The following MBD1 variants were observed in gnomAD, a reference collection of about 807,000 sequenced individuals.
The protein encoded by MBD1 is methyl-CpG-binding domain protein 1.
MBD1 carries 25 observed loss-of-function variants against 82.6 expected under a neutral mutation model. The ratio of observed to expected loss-of-function variants is 0.30; its 90% CI spans 0.22 to 0.42. The LOEUF (loss-of-function observed/expected upper bound fraction) is 0.42, where lower values mean the gene tolerates loss of function less well. Among genes scored for constraint, MBD1 ranks in the 10% least tolerant of loss-of-function variants. The probability of loss-of-function intolerance (pLI) is 1.00; values close to 1 mark genes in which losing one functional copy is unlikely to be tolerated. For missense variants in MBD1, 627 were observed against 819.6 expected (o/e 0.76, Z 2.87); for synonymous variants, 301 against 303.7 (o/e 0.99, Z 0.09).
Position 50,273,570 on chromosome 18 carries a change from C to G in MBD1, c.1440G>C (p.Leu480=), listed in dbSNP as rs543699012. 3.8e-5 allele frequency: 61 copies of G among 1,612,986 alleles called. No homozygotes were observed. The African/African-American group carries it at 6.9e-4, about 18-fold the overall frequency. ...PGPVAASTEA[L]LQEAQCSGLS... ...GACAGGGTGGGGCCCTCACCTGCAA[C>G]AGGGCTTCTGTGGAAGCTGCAACAG... Residue 480 remains leucine (L), a synonymous_variant, in exon 12 of 17, where the codon CTG becomes CTC. Transcript: ENST00000269468.
chr18:50,279,995 A>C lies in MBD1; in HGVS notation c.-3T>G, dbSNP rs776932693. On this transcript the variant is annotated 5_prime_UTR_variant, in exon 2 of 17. Coordinates refer to ENST00000269468, the MANE Select transcript of MBD1 (RefSeq NM_015846.4). ...CAGTCCAGCCAGTCCTCAGCCATGGAGGCCACAGGAAGCAGCAGTAGCCTG... is the reference window on the plus strand; with the variant it reads ...CAGTCCAGCCAGTCCTCAGCCATGGCGGCCACAGGAAGCAGCAGTAGCCTG... The C allele has an allele frequency of 3.1e-6, 5 of 1,607,416 alleles. No individual in the cohort carries two copies. The African/African-American group carries it at 5.3e-5, about 17-fold the overall frequency.
intron 11 of MBD1, 136 bp downstream of exon 11, chr18:50,274,050 C>T (rs972125071): frequency 2.2e-5 from 30 of 1,395,342 alleles, no homozygotes; most frequent in Non-Finnish European, 2.9e-5. Flanking sequence ...CTCATTAAGC[C>T]AAGAACAATG....
downstream of MBD1, among the ~76,000 whole-genome samples, chr18:50,268,591 G>C (rs1187589122): frequency 1.3e-5 from 2 of 152,230 alleles, no homozygotes; most frequent in East Asian, 3.9e-4. Flanking sequence ...CTGTGGCTGG[G>C]AACTACGGGC....
At chr18:50,277,621 G>A (rs775443563) in intron 2 of MBD1, among the ~76,000 whole-genome samples, 10 of 151,808 alleles carry the variant, frequency 6.6e-5, no homozygotes, top group Admixed American at 3.3e-4. Flanking sequence ...ATAAACAAAT[G>A]CAACTACATA....
intron 1 of MBD1, among the ~76,000 whole-genome samples, chr18:50,280,856 T>C (rs763163292): frequency 1.4e-4 from 22 of 152,002 alleles, no homozygotes; most frequent in Non-Finnish European, 3.2e-4. Flanking sequence ...AGACCCTAAT[T>C]TCTCCCCTCA....
In MBD1 at chr18:50,279,715, T is replaced by C. The variant is rs1239307642; in HGVS notation, c.110+168A>G. On this transcript the variant is annotated intron_variant, in intron 2 of 16. Coordinates refer to ENST00000269468, the MANE Select transcript of MBD1 (RefSeq NM_015846.4). ...GCACTGTGAGTAGTGACTTTTAAGT[T>C]ACAAATAAATTTTATTAAGTAGGTG... is the stretch of plus-strand genomic sequence containing the variant. 6 of 902,890 alleles carry C rather than the reference T, an allele frequency of 6.6e-6. No individual in the cohort carries two copies. The African/African-American group carries it at 1.0e-4, about 15-fold the overall frequency. The allele number at this position is 902,890 out of a possible 1,614,324, so 55.9% of individuals were successfully genotyped here. A position where few individuals can be genotyped will look rare whatever the true frequency, so the allele number is the denominator to read the frequency against.
rs2034522833 is a variant in MBD1, at chr18:50,269,357, T to A, written c.*494A>T. The A allele has an allele frequency of 7.5e-7, 1 of 1,325,516 alleles. No individual in the cohort carries two copies. The allele number at this position is 1,325,516 out of a possible 1,614,324, so 82.1% of individuals were successfully genotyped here. ...GTAATGTGTCACCTTGGTGAGGCTA[T>A]GTTTCCCGGAACTCTCTTCCAGTAA... On this transcript the variant is annotated 3_prime_UTR_variant, in exon 17 of 17. Transcript: ENST00000269468.
chr18:50,275,489 G>A (rs539547427), intron 8 of MBD1, 111 bp downstream of exon 8: 1 of 1,599,386 alleles, frequency 6.3e-7, no homozygotes, highest in Admixed American at 1.7e-5. Flanking sequence ...GGCGAGCATA[G>A]GGTTAGGCAG....
At position 50,279,984 on chromosome 18, in the gene MBD1, C is replaced by T; in HGVS notation, c.9G>A (p.Glu3=). The T allele has an allele frequency of 1.2e-6, 2 of 1,609,354 alleles. No individual in the cohort carries two copies. The highest frequency in any genetic ancestry group is 2.2e-5 in the South Asian group (2 of 91,070). The change falls in exon 2 of 17, where the codon GAG becomes GAA. Residue 3 remains glutamate, a synonymous_variant. Coordinates refer to ENST00000269468, the MANE Select transcript of MBD1 (RefSeq NM_015846.4). ...CCAGGGCCGGGCAGTCCAGCCAGTC[C>T]TCAGCCATGGAGGCCACAGGAAGCA... is the stretch of plus-strand genomic sequence containing the variant. MA[E]DWLDCPALGP...
chr18:50,281,666 G>C, upstream of MBD1: 1 of 434,092 alleles, frequency 2.3e-6, no homozygotes. Flanking sequence ...GCGCCCCCCT[G>C]CCGAGAGCCA....
At chr18:50,278,342 T>C (rs1212524281) in intron 2 of MBD1, among the ~76,000 whole-genome samples, 1 of 152,218 alleles carries the variant, frequency 6.6e-6, no homozygotes, top group Non-Finnish European at 1.5e-5. Context: ...AGGGGGAGAC[T>C]ACTGTATTCT....
chr18:50,281,191 C>T (rs1337301844), intron 1 of MBD1, 172 bp downstream of exon 1: 3 of 1,534,452 alleles, frequency 2.0e-6, no homozygotes, highest in Non-Finnish European at 2.6e-6. Context: ...TGCATTCCTT[C>T]CCGTCCTCAG....
In MBD1 at chr18:50,269,482, C is replaced by G. The variant is rs865892695; in HGVS notation, c.*369G>C. ...GGAAGGTTGGTGCTGGGGCACCAGG[C>G]GTTGTTGCAGTTCACACGTTGCCAT... is the stretch of plus-strand genomic sequence containing the variant. On this transcript the variant is annotated 3_prime_UTR_variant, in exon 17 of 17. Transcript: ENST00000269468. The G allele has an allele frequency of 2.8e-6, 2 of 724,328 alleles. No individual in the cohort carries two copies. The highest frequency in any genetic ancestry group is 4.9e-6 in the Non-Finnish European group (2 of 407,968). The allele number at this position is 724,328 out of a possible 1,614,324, so 44.9% of individuals were successfully genotyped here.
At chr18:50,281,062 C>A (rs1452827998) in intron 1 of MBD1, 2 of 1,148,414 alleles carry the variant, frequency 1.7e-6, no homozygotes, top group Admixed American at 2.1e-5. Context: ...GAGTTCTGAA[C>A]CCCCATTTCT....
chr18:50,271,455 T>C lies in MBD1; in HGVS notation c.*32+14A>G. 1.9e-6 allele frequency: 3 copies of C among 1,614,110 alleles called. No homozygotes were observed. Among genetic ancestry groups the C allele is most frequent in the Non-Finnish European group, 1.7e-6 (2 of 1,180,006 alleles). ...TCAGTGTTGTCTCTCATAAAGCCAG[T>C]CTGCAAATATCACCTTGAATCCTAC... On this transcript the variant is annotated intron_variant, in intron 16 of 16. Coordinates refer to ENST00000269468, the MANE Select transcript of MBD1 (RefSeq NM_015846.4).
intron 16 of MBD1, chr18:50,270,194 G>A (rs763911345): frequency 2.5e-6 from 4 of 1,579,646 alleles, no homozygotes; most frequent in Non-Finnish European, 3.4e-6. Flanking sequence ...GACTGTATGA[G>A]ACAGAACTGG....
In MBD1 at chr18:50,271,553, G is replaced by C. The variant is rs765534264; in HGVS notation, c.1779-13C>G. On this transcript the variant is annotated splice_polypyrimidine_tract_variant and intron_variant, in intron 15 of 16. Coordinates refer to ENST00000269468, the MANE Select transcript of MBD1 (RefSeq NM_015846.4). The stretch of plus-strand genomic sequence containing the variant: ...AAGGTCTTTGGACCTAGGGAAAAGG[G>C]AGCAGGTCTGTATGTTGAATGAGGT... 8 of 1,614,190 alleles carry C rather than the reference G, an allele frequency of 5.0e-6. No individual in the cohort carries two copies. The highest frequency in any genetic ancestry group is 2.2e-5 in the East Asian group (1 of 44,882).
At chr18:50,281,752 C>T, upstream of MBD1, 1 of 348,558 alleles carries the variant, frequency 2.9e-6, no homozygotes. Flanking sequence ...CCTCGCTGCC[C>T]ATCTAGCTGG....
chr18:50,281,598 G>A (rs1016623068), upstream of MBD1: 2 of 498,632 alleles, frequency 4.0e-6, no homozygotes, highest in Non-Finnish European at 3.5e-6. Context: ...CCTCGATGTC[G>A]CGTGCCCTTA....
Sources: gnomAD v4.1 joint callset for allele counts (sites outside exome capture counted in the v4.1 genomes callset) on GRCh38, gnomAD v4.1.1 for gene constraint, MANE v1.5 for transcripts, NCBI Gene and HGNC (gene_info 2026-07-23, HGNC 2026-07-21) for gene names.